CAST: variants seen among roughly 807,000 people sequenced by gnomAD.
CAST encodes MIR583 host.
In CAST, 76 loss-of-function variants were observed where a neutral mutation model predicts 119.6. The ratio of observed to expected loss-of-function variants is 0.64; its 90% CI spans 0.53 to 0.77. CAST has a LOEUF of 0.77. Ranked by LOEUF, CAST falls within the 30% of genes least tolerant of loss-of-function variation. CAST has a pLI of 0.00. For missense variants in CAST, 953 were observed against 946.5 expected, an observed-to-expected ratio of 1.01 and a Z score of -0.09; for synonymous variants, 319 against 331.6, an observed-to-expected ratio of 0.96 and a Z score of 0.41.
chr5:96,722,504 A>C, intron 3 of CAST, 135 bp from the exon 4 acceptor site: 1 of 655,018 alleles, frequency 1.5e-6, no homozygotes, highest in Non-Finnish European at 2.8e-6. Context: ...ACCACCTCCT[A>C]CTAGATTTTT....
At chr5:96,136,655 C>A in the CAST span, among the ~76,000 whole-genome samples, 2 of 152,086 alleles carry the variant, frequency 1.3e-5, no homozygotes, top group Non-Finnish European at 2.9e-5. Flanking sequence ...CTATATTATG[C>A]TCAATATGAG....
At chr5:96,397,302 G>A in the CAST span, 1 of 1,596,870 alleles carries the variant, frequency 6.3e-7, no homozygotes, top group Non-Finnish European at 8.6e-7. Context: ...TTAAAAGTAA[G>A]CTTGTGTTTT....
At chr5:96,668,150 GCACACA>G (rs10534655) in intron 1 of CAST, among the ~76,000 whole-genome samples, 10 of 149,718 alleles carry the variant, frequency 6.7e-5, no homozygotes, top group South Asian at 2.1e-4. Flanking sequence ...AGACACGCGT[GCACACA>G]CACACACACA....
intron 1 of CAST, among the ~76,000 whole-genome samples, chr5:96,548,139 A>G (rs1230401121): frequency 2.0e-5 from 3 of 152,184 alleles, no homozygotes; most frequent in Non-Finnish European, 4.4e-5. Flanking sequence ...AGATCTGGGT[A>G]TTTCTTTTTC....
the CAST span, among the ~76,000 whole-genome samples, chr5:96,112,261 A>G: frequency 2.0e-5 from 3 of 152,120 alleles, no homozygotes; most frequent in Admixed American, 1.3e-4. Context: ...TCAGGACTCC[A>G]TTTTGTCCCC....
chr5:96,221,289 A>G, the CAST span, among the ~76,000 whole-genome samples: 1 of 152,294 alleles, frequency 6.6e-6, no homozygotes, highest in East Asian at 1.9e-4. Context: ...AGAGAAAAAA[A>G]TAAAGGGCAT....
chr5:96,425,912 G>A, the CAST span: 1 of 1,609,086 alleles, frequency 6.2e-7, no homozygotes. Context: ...TTTTCATACT[G>A]TTGTTCAGCC....
At chr5:96,637,121 G>A (rs1181676292) in intron 1 of CAST, among the ~76,000 whole-genome samples, 2 of 152,170 alleles carry the variant, frequency 1.3e-5, no homozygotes, top group African/African-American at 4.8e-5. Context: ...CTGAGGCTTG[G>A]CCAATTACGT....
At chr5:96,744,302 C>T (rs903114611) in intron 16 of CAST, among the ~76,000 whole-genome samples, 16 of 152,210 alleles carry the variant, frequency 1.1e-4, no homozygotes, top group African/African-American at 3.4e-4. Context: ...GTTTAATTGA[C>T]TCACAGTTCC....
the CAST span, among the ~76,000 whole-genome samples, chr5:96,475,688 G>T: frequency 6.6e-6 from 1 of 152,292 alleles, no homozygotes; most frequent in African/African-American, 2.4e-5. Context: ...CAAGCAGGGG[G>T]TCTGGAAGTT....
the CAST span, among the ~76,000 whole-genome samples, chr5:96,031,790 A>G: frequency 6.6e-6 from 1 of 152,110 alleles, no homozygotes; most frequent in African/African-American, 2.4e-5. Flanking sequence ...ACCGATTACT[A>G]CAACAATTAG....
chr5:96,628,207 A>T (rs1471488203), intron 1 of CAST, among the ~76,000 whole-genome samples: 2 of 152,252 alleles, frequency 1.3e-5, no homozygotes, highest in Non-Finnish European at 2.9e-5. Context: ...ATAACTTATT[A>T]AAAATGCCCT....
chr5:96,487,195 C>T, the CAST span, among the ~76,000 whole-genome samples: 6 of 152,110 alleles, frequency 3.9e-5, no homozygotes, highest in Admixed American at 3.3e-4. Context: ...GACCTCCCCA[C>T]CCACCACCAG....
At chr5:96,761,452 T>A (rs1261302158) in intron 24 of CAST, 2 of 152,152 alleles carry the variant, frequency 1.3e-5, no homozygotes, top group African/African-American at 2.4e-5. Context: ...TTTAAATAAT[T>A]TCCAATAATA....
the CAST span, among the ~76,000 whole-genome samples, chr5:96,102,146 T>A: frequency 4.6e-5 from 7 of 152,288 alleles, no homozygotes; most frequent in Admixed American, 1.3e-4. Flanking sequence ...TGTGACAGCC[T>A]TTTTTGGGTG....
the CAST span, among the ~76,000 whole-genome samples, chr5:96,194,638 A>T: frequency 3.9e-5 from 6 of 152,214 alleles, no homozygotes; most frequent in Non-Finnish European, 5.9e-5. Flanking sequence ...TTCATTTTTT[A>T]AAAAAAGAAA....
the CAST span, among the ~76,000 whole-genome samples, chr5:96,010,509 A>G: frequency 6.6e-6 from 1 of 152,086 alleles, no homozygotes; most frequent in Non-Finnish European, 1.5e-5. Context: ...GTGGGGTTTC[A>G]CCATGTTGGC....
the CAST span, among the ~76,000 whole-genome samples, chr5:96,003,729 A>G: frequency 6.6e-6 from 1 of 152,108 alleles, no homozygotes; most frequent in Non-Finnish European, 1.5e-5. Context: ...AGTTTTTTCA[A>G]TGAAATTTGT....
the CAST span, among the ~76,000 whole-genome samples, chr5:96,399,204 T>C: frequency 6.6e-6 from 1 of 152,216 alleles, no homozygotes; most frequent in East Asian, 1.9e-4. Context: ...TTTTAATGCA[T>C]AAGAAAATGG....
Sources: allele counts gnomAD v4.1 joint callset (sites outside exome capture counted in the v4.1 genomes callset), GRCh38; gene constraint gnomAD v4.1.1; transcripts MANE v1.5; gene names NCBI Gene and HGNC (gene_info 2026-07-23, HGNC 2026-07-21).